TMEM117: variants seen among roughly 807,000 people sequenced by gnomAD.
The protein encoded by TMEM117 is transmembrane protein 117.
Under a neutral mutation model 52.4 loss-of-function variants are expected in TMEM117, and 27 were observed. The observed-to-expected ratio is 0.51, with a 90% CI of 0.38 to 0.71. The LOEUF (loss-of-function observed/expected upper bound fraction) is 0.71. TMEM117 is among the 30% of genes least tolerant of loss of function. The probability of loss-of-function intolerance (pLI) is 0.00; values close to 1 mark genes in which losing one functional copy is unlikely to be tolerated. For synonymous variants in TMEM117, 215 were observed against 206.3 expected, an observed-to-expected ratio of 1.04 and a Z score of -0.36; for missense variants, 556 against 630.5, an observed-to-expected ratio of 0.88 and a Z score of 1.26.
In TMEM117 at chr12:43,970,066, G is replaced by A. The variant is rs1945555872; in HGVS notation, c.410+25724G>A. The stretch of plus-strand genomic sequence containing the variant: ...TCTTAGTAGCTTGATGAACTCTTGT[G>A]CCATCCTGCCTGGGATGTGAATCAT... On this transcript the variant is annotated intron_variant, in intron 3 of 7. Coordinates refer to ENST00000266534, the MANE Select transcript of TMEM117 (RefSeq NM_032256.3). 2.0e-5 allele frequency among the ~76,000 whole-genome samples: 3 copies of A among 152,028 alleles called. No homozygotes were observed. In the South Asian group the frequency reaches 6.2e-4, roughly 32 times the overall value.
At chr12:43,852,558 T>A (rs188631112) in intron 2 of TMEM117, among the ~76,000 whole-genome samples, 138 of 152,304 alleles carry the variant, frequency 9.1e-4, no homozygotes, top group African/African-American at 3.2e-3. Flanking sequence ...GCTGAGATTG[T>A]GCCATTGCAC....
intron 5 of TMEM117, among the ~76,000 whole-genome samples, chr12:44,280,355 C>G (rs1178542519): frequency 1.3e-5 from 2 of 152,162 alleles, no homozygotes; most frequent in Non-Finnish European, 2.9e-5. Context: ...AGTCTAGAAA[C>G]TGTGGAAATA....
chr12:44,369,222 G>A (rs193071262), intron 6 of TMEM117, among the ~76,000 whole-genome samples: 167 of 152,124 alleles, frequency 1.1e-3, no homozygotes, highest in Non-Finnish European at 1.4e-3. Flanking sequence ...ACATCAGTCT[G>A]CCAGGGCAAG....
At position 44,045,883 on chromosome 12, in the gene TMEM117, C is replaced by A. The variant is rs933543570; in HGVS notation, c.411-97642C>A. 7.2e-5 allele frequency among the ~76,000 whole-genome samples: 11 copies of A among 152,176 alleles called. No homozygotes were observed. The South Asian group carries it at 1.7e-3, about 23-fold the overall frequency. On this transcript the variant is annotated intron_variant, in intron 3 of 7. Coordinates refer to ENST00000266534, the MANE Select transcript of TMEM117 (RefSeq NM_032256.3). ...ATGCTAATAGAATTCACTGGTCTTACCATGTTCCCCATCATCCTAAAGCAG... is the reference window on the plus strand; with the variant it reads ...ATGCTAATAGAATTCACTGGTCTTAACATGTTCCCCATCATCCTAAAGCAG...
At chr12:44,200,385 T>C (rs1345120693) in intron 4 of TMEM117, among the ~76,000 whole-genome samples, 2 of 152,188 alleles carry the variant, frequency 1.3e-5, no homozygotes, top group East Asian at 3.9e-4. Flanking sequence ...AAAGTTGTAT[T>C]TGGGGAAGAC....
intron 5 of TMEM117, among the ~76,000 whole-genome samples, chr12:44,281,534 A>G (rs1359425267): frequency 6.6e-6 from 1 of 152,102 alleles, no homozygotes. Flanking sequence ...CTTATTTTTA[A>G]CCCAGTATAT....
chr12:43,974,155 C>A (rs936495324), intron 3 of TMEM117, among the ~76,000 whole-genome samples: 2 of 152,116 alleles, frequency 1.3e-5, no homozygotes, highest in Admixed American at 1.3e-4. Context: ...CTGCCTTTGT[C>A]AGGTTCTGGA....
At chr12:43,899,060 C>T (rs1944260931) in intron 2 of TMEM117, among the ~76,000 whole-genome samples, 1 of 152,176 alleles carries the variant, frequency 6.6e-6, no homozygotes, top group South Asian at 2.1e-4. Flanking sequence ...GAATGCAGCC[C>T]CTGCCCTTGC....
intron 6 of TMEM117, among the ~76,000 whole-genome samples, chr12:44,321,949 T>C (rs1173279150): frequency 6.6e-6 from 1 of 152,194 alleles, no homozygotes; most frequent in Non-Finnish European, 1.5e-5. Flanking sequence ...AAGAGAATGA[T>C]AGTTTGTAGG....
At chr12:43,957,567 A>T (rs1419451869) in intron 3 of TMEM117, among the ~76,000 whole-genome samples, 2 of 152,190 alleles carry the variant, frequency 1.3e-5, no homozygotes. Context: ...CTTTTCAACT[A>T]TGTACCCTGA....
intron 2 of TMEM117, among the ~76,000 whole-genome samples, chr12:43,876,844 G>A (rs1467571248): frequency 6.6e-6 from 1 of 152,106 alleles, no homozygotes; most frequent in African/African-American, 2.4e-5. Context: ...ATAGAAATAA[G>A]TATTACTAGT....
At chr12:43,933,504 A>G (rs1334553417) in intron 2 of TMEM117, among the ~76,000 whole-genome samples, 1 of 151,968 alleles carries the variant, frequency 6.6e-6, no homozygotes, top group Non-Finnish European at 1.5e-5. Flanking sequence ...CCAGCCCAGT[A>G]ATACTAATTT....
intron 3 of TMEM117, among the ~76,000 whole-genome samples, chr12:43,947,536 A>G (rs1335342296): frequency 2.0e-5 from 3 of 152,196 alleles, no homozygotes; most frequent in East Asian, 3.9e-4. Flanking sequence ...GTATTGCTTC[A>G]TCCCATGTAG....
chr12:44,082,868 A>G (rs1043351278), intron 3 of TMEM117, among the ~76,000 whole-genome samples: 30 of 151,954 alleles, frequency 2.0e-4, no homozygotes, highest in African/African-American at 7.2e-4. Flanking sequence ...AAATAGTTTT[A>G]TGTCATATGT....
chr12:44,134,293 C>T (rs936667994), intron 3 of TMEM117, among the ~76,000 whole-genome samples: 1 of 152,092 alleles, frequency 6.6e-6, no homozygotes, highest in East Asian at 1.9e-4. Context: ...GGCTTGCTCG[C>T]TGTAGCGTTG....
the TMEM117 span, chr12:43,798,478 T>C: frequency 1.9e-5 from 25 of 1,339,664 alleles, no homozygotes; most frequent in South Asian, 3.2e-4. Context: ...CCAATAGAAA[T>C]TTTACTTTTA....
chr12:44,203,792 A>G (rs1407649460), intron 4 of TMEM117, among the ~76,000 whole-genome samples: 1 of 152,052 alleles, frequency 6.6e-6, no homozygotes, highest in Non-Finnish European at 1.5e-5. Context: ...TTCTATTTGT[A>G]TAATGTTGTG....
chr12:44,097,076 A>G (rs139763115), intron 3 of TMEM117, among the ~76,000 whole-genome samples: 20 of 152,356 alleles, frequency 1.3e-4, no homozygotes, highest in African/African-American at 4.8e-4. Flanking sequence ...ACACTTCTCA[A>G]AGGAAGACAT....
chr12:44,021,762 C>T (rs1252124815), intron 3 of TMEM117, among the ~76,000 whole-genome samples: 1 of 152,168 alleles, frequency 6.6e-6, no homozygotes, highest in African/African-American at 2.4e-5. Context: ...TGTAAGCCAC[C>T]TCTCCAAGTT....
Sources: gnomAD v4.1 joint callset for allele counts (sites outside exome capture counted in the v4.1 genomes callset) on GRCh38, gnomAD v4.1.1 for gene constraint, MANE v1.5 for transcripts, NCBI Gene and HGNC (gene_info 2026-07-23, HGNC 2026-07-21) for gene names.